FHOD3: variants seen among roughly 807,000 people sequenced by gnomAD.
FHOD3 encodes the protein FH1/FH2 domain-containing protein 3.
FHOD3 carries 90 observed loss-of-function variants against 173.0 expected under a neutral mutation model. The ratio of observed to expected loss-of-function variants is 0.52; its 90% CI spans 0.44 to 0.62. The LOEUF (loss-of-function observed/expected upper bound fraction) is 0.62, where lower values mean the gene tolerates loss of function less well. FHOD3 is among the 20% of genes least tolerant of loss of function. The probability of loss-of-function intolerance (pLI) is 0.00; values close to 1 mark genes in which losing one functional copy is unlikely to be tolerated. For synonymous variants in FHOD3, 828 were observed against 823.0 expected, an observed-to-expected ratio of 1.01 and a Z score of -0.10; for missense variants, 1,945 against 2,034.7, an observed-to-expected ratio of 0.96 and a Z score of 0.85.
At chr18:36,396,006 C>T (rs1194283216) in intron 3 of FHOD3, among the ~76,000 whole-genome samples, 4 of 152,088 alleles carry the variant, frequency 2.6e-5, no homozygotes, top group South Asian at 2.1e-4. Context: ...AAATTTTGCA[C>T]GTTAACAGTT....
chr18:36,625,560 G>A lies in FHOD3; in HGVS notation c.1007G>A (p.Ser336Asn). ...GATGAGACCACGGAGCCACCCCCCAGTGGGTGCCGGGACCGGAGGAGGGCC... is the reference window on the plus strand; with the variant it reads ...GATGAGACCACGGAGCCACCCCCCAATGGGTGCCGGGACCGGAGGAGGGCC... ...DGDETTEPPP[S>N]GCRDRRRASV... The change falls in exon 10 of 29, where the codon AGT (serine) becomes AAT (asparagine). Residue 336 changes from serine to asparagine, a missense_variant. Around this residue, in one of 5 missense-constraint regions of FHOD3, gnomAD observed 1,099 missense variants for 1,051.2 expected, o/e 1.05. Transcript: ENST00000590592. 1 of 1,516,690 alleles carries A rather than the reference G, an allele frequency of 6.6e-7. No homozygotes were observed. Among genetic ancestry groups the A allele is most frequent in the Middle Eastern group, 1.8e-4 (1 of 5,622 alleles). 94.0% of individuals were successfully genotyped at this position (1,516,690 alleles called of 1,614,324 possible).
In FHOD3 at chr18:36,459,968, G is replaced by A. The variant is rs539291976; in HGVS notation, c.338-41964G>A. On this transcript the variant is annotated intron_variant, in intron 3 of 28. Transcript: ENST00000590592. ...TGTGACAGTTTCTCAGACTTTCCTTGTTTTTGATGACCTTGCTAGTTTTGT... is the reference window on the plus strand; with the variant it reads ...TGTGACAGTTTCTCAGACTTTCCTTATTTTTGATGACCTTGCTAGTTTTGT... Among the ~76,000 whole-genome samples the A allele has an allele frequency of 4.6e-5, 7 of 152,124 alleles. No homozygotes were observed. The South Asian group carries it at 6.2e-4, about 13-fold the overall frequency.
chr18:36,372,883 C>A, intron 3 of FHOD3, 139 bp downstream of exon 3: 1 of 718,918 alleles, frequency 1.4e-6, no homozygotes, highest in Non-Finnish European at 2.3e-6. Context: ...AAACAATTTC[C>A]AGCAATGATT....
chr18:36,336,830 A>C (rs2045336028), intron 1 of FHOD3, among the ~76,000 whole-genome samples: 1 of 140,646 alleles, frequency 7.1e-6, no homozygotes. Flanking sequence ...CCTGGGCAAC[A>C]AGAGTGAAAC....
At chr18:36,432,833 A>G (rs2050624959) in intron 3 of FHOD3, among the ~76,000 whole-genome samples, 1 of 152,212 alleles carries the variant, frequency 6.6e-6, no homozygotes, top group Non-Finnish European at 1.5e-5. Context: ...AGCAAGGGAC[A>G]GCGTAGCTTT....
chr18:36,351,915 G>A (rs1265946279), intron 1 of FHOD3, among the ~76,000 whole-genome samples: 1 of 152,232 alleles, frequency 6.6e-6, no homozygotes, highest in East Asian at 1.9e-4. Context: ...TCTAAGAAGA[G>A]CACAGGGCTT....
intron 9 of FHOD3, among the ~76,000 whole-genome samples, chr18:36,618,095 T>G (rs187703569): frequency 2.0e-5 from 3 of 152,284 alleles, no homozygotes; most frequent in Admixed American, 6.5e-5. Flanking sequence ...TGTTGATTTT[T>G]TTTCAAGCAA....
chr18:36,433,992 C>A (rs930756118), intron 3 of FHOD3, among the ~76,000 whole-genome samples: 2 of 152,180 alleles, frequency 1.3e-5, no homozygotes, highest in African/African-American at 4.8e-5. Context: ...CCTTCTCAAT[C>A]ACTCTAGGCC....
chr18:36,580,810 A>G (rs1005561347), intron 6 of FHOD3, among the ~76,000 whole-genome samples: 1 of 152,244 alleles, frequency 6.6e-6, no homozygotes, highest in African/African-American at 2.4e-5. Context: ...GTTTTCCCCA[A>G]TTCAAATTAA....
chr18:36,720,224 C>A (rs1226452642), intron 19 of FHOD3, among the ~76,000 whole-genome samples: 1 of 149,584 alleles, frequency 6.7e-6, no homozygotes, highest in Non-Finnish European at 1.5e-5. Flanking sequence ...ATCCACATGC[C>A]CCGTTCCAAT....
chr18:36,490,898 T>G (rs1377564185), intron 3 of FHOD3, among the ~76,000 whole-genome samples: 1 of 152,160 alleles, frequency 6.6e-6, no homozygotes, highest in Non-Finnish European at 1.5e-5. Flanking sequence ...TACCCTTCCC[T>G]TTAGGAACTC....
intron 14 of FHOD3, among the ~76,000 whole-genome samples, chr18:36,665,644 A>G (rs2149268786): frequency 6.6e-6 from 1 of 152,332 alleles, no homozygotes; most frequent in South Asian, 2.1e-4. Flanking sequence ...TTTCTTCAAA[A>G]CAGGGTTTTG....
chr18:36,763,909 T>A (rs1255392135), intron 27 of FHOD3, among the ~76,000 whole-genome samples: 1 of 152,198 alleles, frequency 6.6e-6, no homozygotes, highest in Non-Finnish European at 1.5e-5. Context: ...CTCTCTGAGA[T>A]CGGGTCTTTC....
At chr18:36,475,831 T>G (rs1489612875) in intron 3 of FHOD3, among the ~76,000 whole-genome samples, 1 of 151,940 alleles carries the variant, frequency 6.6e-6, no homozygotes, top group Non-Finnish European at 1.5e-5. Flanking sequence ...TCTTTTTTTT[T>G]GTAAATTGCA....
At chr18:36,647,356 G>A (rs2035761509) in intron 10 of FHOD3, among the ~76,000 whole-genome samples, 1 of 152,144 alleles carries the variant, frequency 6.6e-6, no homozygotes, top group African/African-American at 2.4e-5. Context: ...GTGACAGTGT[G>A]CCCAACTTCA....
chr18:36,312,695 T>A (rs534096138), intron 1 of FHOD3, among the ~76,000 whole-genome samples: 1 of 152,214 alleles, frequency 6.6e-6, no homozygotes, highest in Non-Finnish European at 1.5e-5. Flanking sequence ...TGGAAAGTGC[T>A]CAATAAATAT....
intron 14 of FHOD3, among the ~76,000 whole-genome samples, chr18:36,669,453 A>G (rs1326820567): frequency 6.6e-6 from 1 of 151,544 alleles, no homozygotes; most frequent in Non-Finnish European, 1.5e-5. Context: ...TTGAGTTTAT[A>G]TTTTTTATTT....
At chr18:36,729,173 G>A (rs746265171) in intron 19 of FHOD3, among the ~76,000 whole-genome samples, 1 of 152,172 alleles carries the variant, frequency 6.6e-6, no homozygotes, top group Non-Finnish European at 1.5e-5. Flanking sequence ...TGTGCTGAAT[G>A]TGTCTTCAGG....
chr18:36,485,050 A>T (rs2054122941), intron 3 of FHOD3, among the ~76,000 whole-genome samples: 2 of 151,988 alleles, frequency 1.3e-5, no homozygotes, highest in South Asian at 4.1e-4. Context: ...TCTGGGAAGG[A>T]GTTGGGGTGT....
Sources: allele counts gnomAD v4.1 joint callset (sites outside exome capture counted in the v4.1 genomes callset), GRCh38; gene constraint gnomAD v4.1.1; regional missense constraint gnomAD v4.1.1; transcripts MANE v1.5; gene names NCBI Gene and HGNC (gene_info 2026-07-23, HGNC 2026-07-21).